TGIF1: variants seen among roughly 807,000 people sequenced by gnomAD.
TGIF1 encodes the protein TGFB induced factor homeobox 1, also known as homeobox protein TGIF1.
In TGIF1, 4 loss-of-function variants were observed where a neutral mutation model predicts 19.3. That is an observed-to-expected ratio of 0.21 (90% CI 0.10 to 0.47). TGIF1 has a LOEUF of 0.47. TGIF1 is among the 20% of genes least tolerant of loss of function. The probability of loss-of-function intolerance (pLI) is 0.98; values close to 1 mark genes in which losing one functional copy is unlikely to be tolerated. For missense variants in TGIF1, 275 were observed against 341.4 expected (o/e 0.81, Z 1.53); for synonymous variants, 122 against 129.3 (o/e 0.94, Z 0.38).
Position 3,422,673 on chromosome 18 carries a change from C to CTTTTTTGTTTTT in TGIF1, c.-45+4464_-45+4465insGTTTTTTTTTTT, listed in dbSNP as rs1481496826. On this transcript the variant is annotated intron_variant, in intron 2 of 3. Transcript: ENST00000401449. ...ATGTTAAGTGCCCTATATAGGTGGC[C>CTTTTTTGTTTTT]TTTTTTTTTTTTTTTTTTTTTTTTT... Among the ~76,000 whole-genome samples, 5 of 24,670 alleles carry CTTTTTTGTTTTT rather than the reference C, an allele frequency of 2.0e-4. 1 individual carries two copies. Among genetic ancestry groups the CTTTTTTGTTTTT allele is most frequent in the Non-Finnish European group, 6.5e-4 (4 of 6,142 alleles). 16.2% of individuals were successfully genotyped at this position (24,670 alleles called of 152,430 possible).
chr18:3,454,895 TA>T (rs1356623978), intron 1 of TGIF1, among the ~76,000 whole-genome samples: 1 of 152,162 alleles, frequency 6.6e-6, no homozygotes, highest in Non-Finnish European at 1.5e-5. Context: ...AGTCCAAAAC[TA>T]AAAATGTGTC....
At chr18:3,423,896 T>C (rs951693592) in intron 2 of TGIF1, among the ~76,000 whole-genome samples, 9 of 152,068 alleles carry the variant, frequency 5.9e-5, no homozygotes, top group Non-Finnish European at 1.3e-4. Context: ...CCCTCGTTTC[T>C]TCCTCTCTTT....
intron 1 of TGIF1, among the ~76,000 whole-genome samples, chr18:3,453,098 GAT>G (rs1491402482): frequency 1.3e-4 from 20 of 151,810 alleles, no homozygotes; most frequent in African/African-American, 4.1e-4. Context: ...AGGAGATACT[GAT>G]TTTTTTTTTC....
At chr18:3,427,382 C>T (rs1220360802) in intron 2 of TGIF1, among the ~76,000 whole-genome samples, 1 of 152,022 alleles carries the variant, frequency 6.6e-6, no homozygotes, top group African/African-American at 2.4e-5. Context: ...ACCTCCACCC[C>T]ACTAGGTTCA....
At chr18:3,429,001 C>T (rs982550026) in intron 2 of TGIF1, among the ~76,000 whole-genome samples, 12 of 151,970 alleles carry the variant, frequency 7.9e-5, no homozygotes, top group African/African-American at 2.7e-4. Context: ...TAGAGTGAGC[C>T]GAGATCGCGC....
intron 2 of TGIF1, among the ~76,000 whole-genome samples, chr18:3,436,560 TG>T (rs2082616537): frequency 6.6e-6 from 1 of 152,222 alleles, no homozygotes; most frequent in Non-Finnish European, 1.5e-5. Context: ...GGCTCATGCC[TG>T]TAATTCCAGC....
chr18:3,458,138 G>T lies in TGIF1; in HGVS notation c.*198G>T. 1.1e-5 allele frequency: 6 copies of T among 563,664 alleles called. No individual in the cohort carries two copies. The highest frequency in any genetic ancestry group is 4.9e-5 in the South Asian group (2 of 40,734). 34.9% of individuals were successfully genotyped at this position (563,664 alleles called of 1,614,324 possible). ...ACTTAAAGCTACTGTAGAAACAAAGGGTTTTCTTTTTTAAATGTTTCTTGG... is the reference window on the plus strand; with the variant it reads ...ACTTAAAGCTACTGTAGAAACAAAGTGTTTTCTTTTTTAAATGTTTCTTGG... On this transcript the variant is annotated 3_prime_UTR_variant, in exon 3 of 3. Coordinates refer to ENST00000343820, the MANE Select transcript of TGIF1 (RefSeq NM_003244.4).
chr18:3,434,183 A>G (rs545013548), intron 2 of TGIF1, among the ~76,000 whole-genome samples: 12 of 152,138 alleles, frequency 7.9e-5, no homozygotes, highest in African/African-American at 1.2e-4. Context: ...TGAAGTCAGA[A>G]GTTTGAGACC....
In TGIF1 at chr18:3,458,137, G is replaced by T; in HGVS notation, c.*197G>T. 3 of 567,564 alleles carry T rather than the reference G, an allele frequency of 5.3e-6. No homozygotes were observed. Among genetic ancestry groups the T allele is most frequent in the South Asian group, 4.8e-5 (2 of 41,254 alleles). The allele number at this position is 567,564 out of a possible 1,614,324, so 35.2% of individuals were successfully genotyped here. ...AACTTAAAGCTACTGTAGAAACAAA[G>T]GGTTTTCTTTTTTAAATGTTTCTTG... is the stretch of plus-strand genomic sequence containing the variant. On this transcript the variant is annotated 3_prime_UTR_variant, in exon 3 of 3. Coordinates refer to ENST00000343820, the MANE Select transcript of TGIF1 (RefSeq NM_003244.4).
chr18:3,449,517 G>A (rs1019963900), upstream of TGIF1: 4 of 985,434 alleles, frequency 4.1e-6, no homozygotes, highest in Non-Finnish European at 4.8e-6. Context: ...ACAGACGTTC[G>A]TTTAGGCTGT....
At chr18:3,450,916 G>C (rs1379317615) in intron 1 of TGIF1, among the ~76,000 whole-genome samples, 1 of 152,098 alleles carries the variant, frequency 6.6e-6, no homozygotes, top group African/African-American at 2.4e-5. Context: ...CCAGGCGGCC[G>C]GGGCCGCGGG....
chr18:3,422,900 A>C (rs1252326741), intron 2 of TGIF1, among the ~76,000 whole-genome samples: 1 of 152,008 alleles, frequency 6.6e-6, no homozygotes, highest in Non-Finnish European at 1.5e-5. Context: ...CGTGTTATCC[A>C]GGATGGTCTC....
intron 2 of TGIF1, among the ~76,000 whole-genome samples, chr18:3,431,014 G>C (rs1043974079): frequency 6.6e-6 from 1 of 152,030 alleles, no homozygotes; most frequent in Non-Finnish European, 1.5e-5. Context: ...GGGAGAATAC[G>C]ATATGAACCT....
At chr18:3,413,641 G>A (rs1011456073) in intron 1 of TGIF1, among the ~76,000 whole-genome samples, 12 of 152,074 alleles carry the variant, frequency 7.9e-5, no homozygotes, top group African/African-American at 2.9e-4. Flanking sequence ...ATGCCAAGGC[G>A]GGAGGATCAC....
At chr18:3,438,072 G>T (rs541000559) in intron 2 of TGIF1, among the ~76,000 whole-genome samples, 1 of 151,326 alleles carries the variant, frequency 6.6e-6, no homozygotes, top group African/African-American at 2.4e-5. Context: ...TGACAAGAGC[G>T]AAAGTCCGTC....
intron 2 of TGIF1, among the ~76,000 whole-genome samples, chr18:3,437,089 C>T (rs901150875): frequency 2.0e-5 from 3 of 151,806 alleles, no homozygotes; most frequent in Admixed American, 6.6e-5. Flanking sequence ...TGGGTGACAG[C>T]GCAGGACTCC....
intron 1 of TGIF1, among the ~76,000 whole-genome samples, chr18:3,417,935 C>CA (rs1359711608): frequency 6.6e-6 from 1 of 150,408 alleles, no homozygotes; most frequent in African/African-American, 2.4e-5. Flanking sequence ...CCCATCTCTA[C>CA]AAAAAAAAGT....
intron 2 of TGIF1, among the ~76,000 whole-genome samples, chr18:3,434,647 G>T (rs957697247): frequency 5.3e-5 from 8 of 152,200 alleles, no homozygotes; most frequent in Non-Finnish European, 8.8e-5. Context: ...CCCAAGAAGC[G>T]CAGGCTGCAG....
intron 1 of TGIF1, among the ~76,000 whole-genome samples, chr18:3,452,624 C>T (rs557229065): frequency 6.6e-6 from 1 of 152,196 alleles, no homozygotes; most frequent in South Asian, 2.1e-4. Flanking sequence ...GGCCGAGGAA[C>T]TCTCAAGAAC....
Sources: allele counts gnomAD v4.1 joint callset (sites outside exome capture counted in the v4.1 genomes callset), GRCh38; gene constraint gnomAD v4.1.1; transcripts MANE v1.5; gene names NCBI Gene and HGNC (gene_info 2026-07-23, HGNC 2026-07-21).